AMN1: variants seen among roughly 807,000 people sequenced by gnomAD.
AMN1 encodes the protein protein AMN1 homolog.
AMN1 carries 20 observed loss-of-function variants against 33.0 expected under a neutral mutation model. The observed-to-expected ratio is 0.61, with a 90% CI of 0.43 to 0.88. The LOEUF is 0.88. Among genes scored for constraint, AMN1 ranks in the 40% least tolerant of loss-of-function variants. The pLI is 0.00. For missense variants in AMN1, 246 were observed against 307.4 expected (o/e 0.80, Z 1.49); for synonymous variants, 114 against 111.9 (o/e 1.02, Z -0.12).
At chr12:31,721,661 T>C (rs1461311916) in intron 1 of AMN1, among the ~76,000 whole-genome samples, 1 of 152,196 alleles carries the variant, frequency 6.6e-6, no homozygotes, top group African/African-American at 2.4e-5. Flanking sequence ...AAACAACACG[T>C]CCTTGGTCAA....
intron 5 of AMN1, among the ~76,000 whole-genome samples, chr12:31,690,547 T>C (rs989830087): frequency 5.9e-5 from 9 of 152,210 alleles, no homozygotes; most frequent in Non-Finnish European, 1.2e-4. Context: ...TGGCCATTTG[T>C]ATATCTTCTT....
intron 1 of AMN1, among the ~76,000 whole-genome samples, chr12:31,716,055 T>A (rs1939663444): frequency 6.6e-6 from 1 of 152,234 alleles, no homozygotes; most frequent in African/African-American, 2.4e-5. Flanking sequence ...TTATCCGTAT[T>A]CATGTTTTTC....
intron 6 of AMN1, among the ~76,000 whole-genome samples, chr12:31,676,850 A>ACC (rs1937733199): frequency 1.3e-5 from 2 of 151,848 alleles, no homozygotes; most frequent in Non-Finnish European, 2.9e-5. Context: ...GCAGTGTTAT[A>ACC]TTACAGTCTC....
intron 5 of AMN1, among the ~76,000 whole-genome samples, chr12:31,691,879 CTTTA>C (rs1938514153): frequency 6.6e-6 from 1 of 151,774 alleles, no homozygotes; most frequent in Admixed American, 6.6e-5. Context: ...TTTTATTTTA[CTTTA>C]TTTATTTTTT....
At chr12:31,721,332 T>C (rs1192537346) in intron 1 of AMN1, among the ~76,000 whole-genome samples, 1 of 152,116 alleles carries the variant, frequency 6.6e-6, no homozygotes, top group African/African-American at 2.4e-5. Flanking sequence ...CAGGTATCAA[T>C]ACTGGGGTGG....
chr12:31,672,636 C>T (rs1341949659), intron 6 of AMN1: 2 of 330,676 alleles, frequency 6.0e-6, no homozygotes, highest in African/African-American at 4.3e-5. Context: ...TCTGTAATTT[C>T]ATCATAATTC....
intron 1 of AMN1, among the ~76,000 whole-genome samples, chr12:31,717,592 T>C (rs4272863): frequency 0.7 from 107,009 of 152,116 alleles, 38,192 homozygotes; most frequent in East Asian, 0.87. Context: ...AAGACTCTTC[T>C]GTGGTGCCTT....
chr12:31,672,057 G>T lies in AMN1; in HGVS notation c.*247C>A. 2.6e-6 allele frequency: 1 copy of T among 385,790 alleles called. No individual in the cohort carries two copies. The highest frequency in any genetic ancestry group is 4.7e-6 in the Non-Finnish European group (1 of 213,218). The allele number at this position is 385,790 out of a possible 1,614,324, so 23.9% of individuals were successfully genotyped here. ...CACCATAGATCAGAGTTCATGCTAG[G>T]ATTATCATTTCAAAAATAATGACTC... On this transcript the variant is annotated 3_prime_UTR_variant, in exon 7 of 7. Coordinates refer to ENST00000281471, the MANE Select transcript of AMN1 (RefSeq NM_001113402.2).
At chr12:31,686,938 AT>A (rs887888884) in intron 6 of AMN1, among the ~76,000 whole-genome samples, 1 of 152,134 alleles carries the variant, frequency 6.6e-6, no homozygotes, top group African/African-American at 2.4e-5. Flanking sequence ...ATACAATGAC[AT>A]TTTTTTTCCT....
At chr12:31,695,471 A>ATTTCTTTC (rs1555187136) in intron 5 of AMN1, among the ~76,000 whole-genome samples, 3 of 131,200 alleles carry the variant, frequency 2.3e-5, no homozygotes, top group Middle Eastern at 3.6e-3. Context: ...AAATATAGTA[A>ATTTCTTTC]TTTCTTTCTT....
At chr12:31,725,146 G>A (rs1940015183) in intron 1 of AMN1, among the ~76,000 whole-genome samples, 1 of 152,108 alleles carries the variant, frequency 6.6e-6, no homozygotes, top group Non-Finnish European at 1.5e-5. Flanking sequence ...TAAAACGGAT[G>A]GACACAAAAA....
Position 31,672,170 on chromosome 12 carries a change from G to C in AMN1, c.*134C>G. ...TATACCAAGACTTAGCTAATTCTCT[G>C]AGAGTTATAACTTAAGACAATAAAA... On this transcript the variant is annotated 3_prime_UTR_variant, in exon 7 of 7. Coordinates refer to ENST00000281471, the MANE Select transcript of AMN1 (RefSeq NM_001113402.2). 1 of 650,612 alleles carries C rather than the reference G, an allele frequency of 1.5e-6. No individual in the cohort carries two copies. Among genetic ancestry groups the C allele is most frequent in the Non-Finnish European group, 2.7e-6 (1 of 373,038 alleles). The allele number at this position is 650,612 out of a possible 1,614,324, so 40.3% of individuals were successfully genotyped here. A position where few individuals can be genotyped will look rare whatever the true frequency, so the allele number is the denominator to read the frequency against.
At chr12:31,693,370 G>C (rs1565769256) in intron 5 of AMN1, among the ~76,000 whole-genome samples, 1 of 151,942 alleles carries the variant, frequency 6.6e-6, no homozygotes, top group African/African-American at 2.4e-5. Flanking sequence ...GGGATTACAG[G>C]CATGCACCAC....
rs758636327 is a variant in AMN1, at chr12:31,672,283, T to C, written c.*21A>G. On this transcript the variant is annotated 3_prime_UTR_variant, in exon 7 of 7. Coordinates refer to ENST00000281471, the MANE Select transcript of AMN1 (RefSeq NM_001113402.2). ...GTAGTTTTGATAAGCTTTCCTAGCATTGATCATCTTCAAAAAAGCATCAAT... is the reference window on the plus strand; with the variant it reads ...GTAGTTTTGATAAGCTTTCCTAGCACTGATCATCTTCAAAAAAGCATCAAT... The C allele has an allele frequency of 3.9e-6, 6 of 1,544,340 alleles. No individual in the cohort carries two copies. Among genetic ancestry groups the C allele is most frequent in the South Asian group, 2.4e-5 (2 of 84,370 alleles).
At chr12:31,674,407 C>CA (rs761603678) in intron 6 of AMN1, among the ~76,000 whole-genome samples, 1,970 of 131,386 alleles carry the variant, frequency 0.015, 25 homozygotes, top group Non-Finnish European at 0.02. Context: ...GACTCCATCT[C>CA]AAAAAAAAAA....
chr12:31,693,604 G>A (rs1186601595), intron 5 of AMN1, among the ~76,000 whole-genome samples: 3 of 150,984 alleles, frequency 2.0e-5, no homozygotes, highest in Non-Finnish European at 2.9e-5. Context: ...GTGCAATGGT[G>A]TGATCTCAGC....
chr12:31,709,381 T>C lies in AMN1; in HGVS notation c.83A>G (p.Asp28Gly). 6.2e-7 allele frequency: 1 copy of C among 1,613,928 alleles called. No individual in the cohort carries two copies. Among genetic ancestry groups the C allele is most frequent in the Non-Finnish European group, 8.5e-7 (1 of 1,179,828 alleles). The change falls in exon 2 of 7, where the codon GAC (aspartate) becomes GGC (glycine). Residue 28 changes from aspartate to glycine, a missense_variant. Coordinates refer to ENST00000281471, the MANE Select transcript of AMN1 (RefSeq NM_001113402.2). ...FMKNISRYLT[D>G]IKPLPPNIKD... ...TATGTTGGGAGGCAAAGGCTTAATG[T>C]CTGTGAGATATCTGGAAATATTCTT...
intron 2 of AMN1, among the ~76,000 whole-genome samples, chr12:31,706,411 C>G (rs898428970): frequency 2.6e-5 from 4 of 151,584 alleles, no homozygotes; most frequent in African/African-American, 9.7e-5. Context: ...AGATGCCGCT[C>G]ACCCCCAACA....
chr12:31,729,032 C>T, upstream of AMN1: 1 of 1,538,340 alleles, frequency 6.5e-7, no homozygotes, highest in South Asian at 1.2e-5. Context: ...GAAGCCTCTT[C>T]CGCGGTCCCA....
Sources: allele counts gnomAD v4.1 joint callset (sites outside exome capture counted in the v4.1 genomes callset), GRCh38; gene constraint gnomAD v4.1.1; transcripts MANE v1.5; gene names NCBI Gene and HGNC (gene_info 2026-07-23, HGNC 2026-07-21).